Variants in KCNK13 observed in about 807,000 individuals in gnomAD.
The protein encoded by KCNK13 is potassium two pore domain channel subfamily K member 13.
Under a neutral mutation model 23.4 loss-of-function variants are expected in KCNK13, and 12 were observed. The ratio of observed to expected loss-of-function variants is 0.51; its 90% CI spans 0.33 to 0.83. The LOEUF (loss-of-function observed/expected upper bound fraction) is 0.83. KCNK13 is among the 40% of genes least tolerant of loss of function. The pLI, the probability that KCNK13 is intolerant of heterozygous loss-of-function variation, is 0.02. For missense variants in KCNK13, 463 were observed against 556.3 expected (o/e 0.83, Z 1.69); for synonymous variants, 231 against 229.5 (o/e 1.01, Z -0.06).
intron 1 of KCNK13, among the ~76,000 whole-genome samples, chr14:90,079,064 A>C (rs1004304064): frequency 2.0e-5 from 3 of 152,208 alleles, no homozygotes; most frequent in Admixed American, 6.5e-5. Flanking sequence ...TGGGGACTGC[A>C]CAAAGTCAAC....
At chr14:90,094,650 T>TC (rs1027696269) in intron 1 of KCNK13, among the ~76,000 whole-genome samples, 9 of 80,718 alleles carry the variant, frequency 1.1e-4, no homozygotes, top group African/African-American at 6.0e-4. Context: ...TTTTTCTTTT[T>TC]TTTTTTTTTT....
chr14:90,182,045 C>G (rs140202141), intron 1 of KCNK13, among the ~76,000 whole-genome samples: 1 of 152,150 alleles, frequency 6.6e-6, no homozygotes, highest in Non-Finnish European at 1.5e-5. Context: ...TTCTGTCTAG[C>G]ATGAAGGGCC....
At chr14:90,171,282 A>C (rs1019599498) in intron 1 of KCNK13, among the ~76,000 whole-genome samples, 13 of 152,216 alleles carry the variant, frequency 8.5e-5, no homozygotes, top group Admixed American at 8.5e-4. Flanking sequence ...AGGAAAACTC[A>C]TAGAGGCCAG....
chr14:90,073,768 T>C (rs1448265786), intron 1 of KCNK13, among the ~76,000 whole-genome samples: 1 of 151,872 alleles, frequency 6.6e-6, no homozygotes, highest in Non-Finnish European at 1.5e-5. Flanking sequence ...TCTCCCGGGT[T>C]CAAGCAATTC....
intron 1 of KCNK13, among the ~76,000 whole-genome samples, chr14:90,124,965 T>C (rs1032483234): frequency 6.6e-6 from 1 of 152,162 alleles, no homozygotes; most frequent in African/African-American, 2.4e-5. Context: ...GAAGAAGTTA[T>C]TGAATGGAGG....
Position 90,184,941 on chromosome 14 carries a change from G to T in KCNK13, c.1165G>T (p.Gly389Trp), listed in dbSNP as rs751050914. The T allele has an allele frequency of 6.2e-7, 1 of 1,611,630 alleles. No homozygotes were observed. The highest frequency in any genetic ancestry group is 8.5e-7 in the Non-Finnish European group (1 of 1,178,628). ...STLARDNEFSGGVGAFAIMNN... is the reference protein window; with the variant it reads ...STLARDNEFSWGVGAFAIMNN... ...ACTGGCCCGGGACAATGAATTCTCA[G>T]GGGGGGTGGGAGCCTTTGCAATCAT... The change falls in exon 2 of 2, where the codon GGG becomes TGG. Residue 389 changes from glycine (G) to tryptophan (W), a missense_variant. Around this residue, in one of 3 missense-constraint regions of KCNK13, gnomAD observed 166 missense variants for 178.8 expected, o/e 0.93. Coordinates refer to ENST00000282146, the MANE Select transcript of KCNK13 (RefSeq NM_022054.4). This position sits in a 1 kb window ranked among gnomAD's most constrained non-coding sequence, Gnocchi z 5.6.
intron 1 of KCNK13, among the ~76,000 whole-genome samples, chr14:90,101,709 G>A (rs1025907656): frequency 2.1e-5 from 3 of 140,980 alleles, no homozygotes; most frequent in Admixed American, 7.7e-5. Context: ...AGAACTGCTT[G>A]AACCCAGGAG....
At chr14:90,143,166 TCTTTCTTTC>T (rs1302469590) in intron 1 of KCNK13, among the ~76,000 whole-genome samples, 6,247 of 17,728 alleles carry the variant, frequency 0.35, 281 homozygotes, top group South Asian at 0.54. Context: ...TTTCTTTCTT[TCTTTCTTTC>T]TTTTCTTTTC....
chr14:90,101,810 A>AAAAAAAAC lies in KCNK13; in HGVS notation c.334+39273_334+39274insAAAAACAA, dbSNP rs1465117776. On this transcript the variant is annotated intron_variant, in intron 1 of 1. Transcript: ENST00000282146. ...GTCTCCAAAAAAAAAAAAAAAAAAA[A>AAAAAAAAC]AACCTCACAAGTCACCGCTAAAGAA... 8.0e-5 allele frequency among the ~76,000 whole-genome samples: 12 copies of AAAAAAAAC among 149,422 alleles called. 1 individual carries two copies. Among genetic ancestry groups the AAAAAAAAC allele is most frequent in the African/African-American group, 3.0e-4 (12 of 40,404 alleles).
intron 1 of KCNK13, among the ~76,000 whole-genome samples, chr14:90,110,067 G>C (rs1489481676): frequency 6.6e-6 from 1 of 152,056 alleles, no homozygotes; most frequent in Admixed American, 6.5e-5. Context: ...ACTAAATGCC[G>C]ATCCTTGTGA....
chr14:90,080,994 G>A (rs1305952568), intron 1 of KCNK13, among the ~76,000 whole-genome samples: 3 of 152,234 alleles, frequency 2.0e-5, no homozygotes, highest in African/African-American at 7.2e-5. Flanking sequence ...GGGAGAGAAT[G>A]ACTGCCCTAA....
chr14:90,079,486 G>A (rs1889182618), intron 1 of KCNK13, among the ~76,000 whole-genome samples: 1 of 152,138 alleles, frequency 6.6e-6, no homozygotes, highest in Admixed American at 6.5e-5. Context: ...TGTGGCTGGT[G>A]GGGTAGAGGG....
At chr14:90,164,257 G>T (rs999860672) in intron 1 of KCNK13, among the ~76,000 whole-genome samples, 1 of 152,150 alleles carries the variant, frequency 6.6e-6, no homozygotes, top group Non-Finnish European at 1.5e-5. Flanking sequence ...ATCTATACTG[G>T]CTTTGGCCAA....
intron 1 of KCNK13, among the ~76,000 whole-genome samples, chr14:90,078,428 AAAG>A (rs1889166810): frequency 1.3e-5 from 2 of 151,674 alleles, no homozygotes; most frequent in Non-Finnish European, 2.9e-5. Flanking sequence ...AAAAAAAAAA[AAAG>A]AAAGAAAAAA....
At chr14:90,153,123 T>C (rs1890155453) in intron 1 of KCNK13, among the ~76,000 whole-genome samples, 1 of 152,186 alleles carries the variant, frequency 6.6e-6, no homozygotes, top group African/African-American at 2.4e-5. Context: ...TCTTCTGGCC[T>C]CAGCTCAGAC....
At chr14:90,085,034 C>T (rs976576105) in intron 1 of KCNK13, among the ~76,000 whole-genome samples, 1 of 152,036 alleles carries the variant, frequency 6.6e-6, no homozygotes, top group Non-Finnish European at 1.5e-5. Context: ...CCTCTGCCTC[C>T]CAGGTTCAAG....
chr14:90,132,543 C>CAAAA (rs397853239), intron 1 of KCNK13, among the ~76,000 whole-genome samples: 1,537 of 83,902 alleles, frequency 0.018, 18 homozygotes, highest in African/African-American at 0.063. Context: ...GACTCTGTCT[C>CAAAA]AAAAAAAAAA....
chr14:90,143,531 T>G (rs1001881113), intron 1 of KCNK13, among the ~76,000 whole-genome samples: 1 of 152,212 alleles, frequency 6.6e-6, no homozygotes, highest in Admixed American at 6.5e-5. Flanking sequence ...TGTACATGTC[T>G]GTCTTTATGC....
intron 1 of KCNK13, among the ~76,000 whole-genome samples, chr14:90,076,326 G>C (rs541758019): frequency 6.6e-6 from 1 of 152,358 alleles, no homozygotes; most frequent in South Asian, 2.1e-4. Flanking sequence ...CAGAGTCCCA[G>C]AACCTTCTGT....
Sources: gnomAD v4.1 joint callset for allele counts (sites outside exome capture counted in the v4.1 genomes callset) on GRCh38, gnomAD v4.1.1 for gene constraint, gnomAD v4.1.1 regional missense constraint, Gnocchi (gnomAD v3.1) non-coding constraint, MANE v1.5 for transcripts, NCBI Gene and HGNC (gene_info 2026-07-23, HGNC 2026-07-21) for gene names.